ZFHX3: variants seen among roughly 807,000 people sequenced by gnomAD.
The protein encoded by ZFHX3 is zinc finger homeobox protein 3.
A neutral mutation model predicts 279.1 loss-of-function variants in ZFHX3; 42 were observed. That is an observed-to-expected ratio of 0.15 (90% confidence interval 0.12 to 0.19). The LOEUF (loss-of-function observed/expected upper bound fraction) is 0.19. ZFHX3 is among the 10% of genes least tolerant of loss of function. ZFHX3 has a pLI of 1.00. For synonymous variants in ZFHX3, 2,293 were observed against 1,957.8 expected, an observed-to-expected ratio of 1.17 and a Z score of -4.52; for missense variants, 4,981 against 4,754.0, an observed-to-expected ratio of 1.05 and a Z score of -1.40.
Position 73,624,361 on chromosome 16 carries a change from G to A in ZFHX3, c.-1547+55819C>T, listed in dbSNP as rs192141631. Reference sequence around the variant, plus strand: ...AAATCTGAATTTCATTGCCGTTATCGTGAGTTTAATATGAAAAAAGACCTG... The same window carrying A: ...AAATCTGAATTTCATTGCCGTTATCATGAGTTTAATATGAAAAAAGACCTG... On this transcript the variant is annotated intron_variant, in intron 2 of 17. Transcript: ENST00000641206. 3.3e-3 allele frequency among the ~76,000 whole-genome samples: 508 copies of A among 152,182 alleles called. 2 individuals are homozygous for A. The highest frequency in any genetic ancestry group is 6.3e-3 in the Admixed American group (97 of 15,282).
chr16:73,526,522 C>T lies in ZFHX3; in HGVS notation c.-1546-70264G>A, dbSNP rs141148496. Among the ~76,000 whole-genome samples the T allele has an allele frequency of 3.9e-5, 6 of 152,286 alleles. 1 individual carries two copies. The highest frequency in any genetic ancestry group is 3.9e-4 in the Admixed American group (6 of 15,290). ...AAAATACAAAACATAAACCAGGCCT[C>T]GTTTCATATTCAAAATGACCCAGGC... On this transcript the variant is annotated intron_variant, in intron 2 of 17. Transcript: ENST00000641206.
At chr16:73,023,379 G>GCT (rs1964378996) in intron 1 of ZFHX3, among the ~76,000 whole-genome samples, 1 of 152,206 alleles carries the variant, frequency 6.6e-6, no homozygotes, top group African/African-American at 2.4e-5. Flanking sequence ...TTAGGAGCCT[G>GCT]CTGTCATCTA....
chr16:72,805,785 T>A (rs983319888), intron 7 of ZFHX3, among the ~76,000 whole-genome samples: 3 of 152,184 alleles, frequency 2.0e-5, no homozygotes, highest in African/African-American at 4.8e-5. Flanking sequence ...CAGAGTTGGG[T>A]TCCCCACCCC....
At chr16:73,267,954 A>G (rs1335440491) in intron 4 of ZFHX3, among the ~76,000 whole-genome samples, 1 of 152,116 alleles carries the variant, frequency 6.6e-6, no homozygotes, top group Non-Finnish European at 1.5e-5. Flanking sequence ...CTCTCAGTGT[A>G]TCTGTTGGTA....
In ZFHX3 at chr16:72,784,809, A is replaced by G. The variant is rs1323880535; in HGVS notation, c.*2355T>C. 6.6e-6 allele frequency: 1 copy of G among 152,608 alleles called. No individual in the cohort carries two copies. Among genetic ancestry groups the G allele is most frequent in the African/African-American group, 2.4e-5 (1 of 41,448 alleles). 9.5% of individuals were successfully genotyped at this position (152,608 alleles called of 1,614,324 possible). A position where few individuals can be genotyped will look rare whatever the true frequency, so the allele number is the denominator to read the frequency against. ...ACTTAAAAAAAACAATTAAAAAAGG[A>G]ATTTGCACTGTGCATCAGCCTAGTT... On this transcript the variant is annotated 3_prime_UTR_variant, in exon 10 of 10. Transcript: ENST00000268489.
intron 1 of ZFHX3, among the ~76,000 whole-genome samples, chr16:72,970,128 G>A (rs568298635): frequency 5.3e-5 from 8 of 152,264 alleles, no homozygotes; most frequent in Non-Finnish European, 1.2e-4. Flanking sequence ...CAGTGGAGTC[G>A]TGGAGGGCAA....
intron 3 of ZFHX3, among the ~76,000 whole-genome samples, chr16:73,450,672 T>A (rs1291590520): frequency 6.6e-6 from 1 of 152,238 alleles, no homozygotes; most frequent in East Asian, 1.9e-4. Flanking sequence ...GCCAGATCCC[T>A]AACTCCGAAT....
intron 2 of ZFHX3, among the ~76,000 whole-genome samples, chr16:73,496,581 A>G (rs1046269042): frequency 1.3e-5 from 2 of 152,120 alleles, no homozygotes; most frequent in African/African-American, 4.8e-5. Context: ...CCATATACCA[A>G]AGTGGTGGGA....
chr16:72,946,693 C>T (rs1320302537), intron 3 of ZFHX3, among the ~76,000 whole-genome samples: 4 of 152,164 alleles, frequency 2.6e-5, no homozygotes, highest in African/African-American at 4.8e-5. Flanking sequence ...ACGCCTCAGA[C>T]GCAGGCTGTA....
chr16:73,217,343 C>A (rs2012250667), intron 5 of ZFHX3, among the ~76,000 whole-genome samples: 1 of 152,206 alleles, frequency 6.6e-6, no homozygotes, highest in Non-Finnish European at 1.5e-5. Flanking sequence ...GATTTGAGTT[C>A]AGACACCTTC....
Position 72,889,809 on chromosome 16 carries a change from G to C in ZFHX3, c.3370C>G (p.Leu1124Val), listed in dbSNP as rs2144073964. Residue 1124 changes from leucine to valine, a missense_variant, in exon 4 of 10, where the codon CTG becomes GTG. Physicochemically the swap from Leu to Val is conservative, Grantham distance 32. Transcript: ENST00000268489. The part of the protein sequence containing the change: ...RSESLRKLQR[L>V]QKGLPEEDED... Reference sequence around the variant, plus strand: ...TCCTCCTCTGGAAGGCCCTTCTGCAGCCGCTGCAGCTTTCGCAGGCTCTCG... The same window carrying C: ...TCCTCCTCTGGAAGGCCCTTCTGCACCCGCTGCAGCTTTCGCAGGCTCTCG... The C allele has an allele frequency of 6.2e-7, 1 of 1,613,820 alleles. No homozygotes were observed. Among genetic ancestry groups the C allele is most frequent in the Non-Finnish European group, 8.5e-7 (1 of 1,180,046 alleles).
chr16:73,543,099 G>T, intron 2 of ZFHX3, among the ~76,000 whole-genome samples: 1 of 152,198 alleles, frequency 6.6e-6, no homozygotes, highest in Non-Finnish European at 1.5e-5. Context: ...CTCGGCTCGG[G>T]CAGGTATGTT....
chr16:73,511,604 T>C (rs1334756355), intron 2 of ZFHX3, among the ~76,000 whole-genome samples: 1 of 152,188 alleles, frequency 6.6e-6, no homozygotes, highest in Non-Finnish European at 1.5e-5. Flanking sequence ...AAACTCAGAT[T>C]GGATAACTAT....
intron 2 of ZFHX3, among the ~76,000 whole-genome samples, chr16:73,600,699 C>T (rs370499888): frequency 4.6e-5 from 7 of 152,126 alleles, no homozygotes; most frequent in African/African-American, 1.2e-4. Flanking sequence ...GGATTACAGG[C>T]GTGAGCCACC....
At chr16:72,909,444 C>T (rs1173651707) in intron 3 of ZFHX3, among the ~76,000 whole-genome samples, 4 of 152,254 alleles carry the variant, frequency 2.6e-5, no homozygotes, top group East Asian at 1.9e-4. Context: ...CCTAAAACCC[C>T]GTAACAAATT....
chr16:73,375,384 A>G (rs1427906426), intron 3 of ZFHX3, among the ~76,000 whole-genome samples: 1 of 152,088 alleles, frequency 6.6e-6, no homozygotes, highest in Non-Finnish European at 1.5e-5. Flanking sequence ...GAAACTAGCC[A>G]TTTCTCCAAA....
intron 4 of ZFHX3, among the ~76,000 whole-genome samples, chr16:73,279,162 T>C (rs554158319): frequency 3.9e-5 from 6 of 152,286 alleles, no homozygotes; most frequent in African/African-American, 1.4e-4. Flanking sequence ...TTTGCACAAA[T>C]TTTAAGCTAG....
chr16:73,064,353 GAGCAGACC>G (rs1965720678), upstream of ZFHX3, among the ~76,000 whole-genome samples: 1 of 152,048 alleles, frequency 6.6e-6, no homozygotes, highest in South Asian at 2.1e-4. Flanking sequence ...CCAGGGCCAA[GAGCAGACC>G]AGCTGGTCTA....
chr16:73,008,988 AT>A (rs1431852627), intron 1 of ZFHX3, among the ~76,000 whole-genome samples: 1 of 151,962 alleles, frequency 6.6e-6, no homozygotes, highest in Non-Finnish European at 1.5e-5. Context: ...CAACTGGGCT[AT>A]TTTGAAACCT....
Sources: gnomAD v4.1 joint callset for allele counts (sites outside exome capture counted in the v4.1 genomes callset) on GRCh38, gnomAD v4.1.1 for gene constraint, MANE v1.5 for transcripts, NCBI Gene and HGNC (gene_info 2026-07-23, HGNC 2026-07-21) for gene names.